NEMP2: variants seen among roughly 807,000 people sequenced by gnomAD.
The protein encoded by NEMP2 is nuclear envelope integral membrane protein 2.
In NEMP2, 53 loss-of-function variants were observed where a neutral mutation model predicts 54.2. That is an observed-to-expected ratio of 0.98 (90% CI 0.78 to 1.23). The LOEUF (loss-of-function observed/expected upper bound fraction) is 1.23. Among genes scored for constraint, NEMP2 ranks in the 50% most tolerant of loss-of-function variants. NEMP2 has a pLI of 0.00. For synonymous variants in NEMP2, 197 were observed against 190.3 expected, an observed-to-expected ratio of 1.04 and a Z score of -0.29; for missense variants, 455 against 511.3, an observed-to-expected ratio of 0.89 and a Z score of 1.06.
At chr2:190,572,834 TATATATATATATATATATATATATATA>T in the NEMP2 span, among the ~76,000 whole-genome samples, 1,215 of 37,782 alleles carry the variant, frequency 0.032, 72 homozygotes, top group African/African-American at 0.089. Context: ...TTTTCATGAG[TATATATATATATATATATATATATATA>T]TATATATATA....
the NEMP2 span, among the ~76,000 whole-genome samples, chr2:190,577,815 G>T: frequency 2.0e-5 from 3 of 152,232 alleles, no homozygotes; most frequent in African/African-American, 7.2e-5. This position sits in a 1 kb window ranked among gnomAD's most constrained non-coding sequence, Gnocchi z 4.8. Context: ...GGAGGTTGCA[G>T]TGACCCGAGA....
At chr2:190,633,956 T>C in the NEMP2 span, among the ~76,000 whole-genome samples, 2 of 152,000 alleles carry the variant, frequency 1.3e-5, no homozygotes, top group African/African-American at 4.8e-5. Flanking sequence ...CCTATAGTTG[T>C]AGCTATTCGG....
chr2:190,461,097 G>C, the NEMP2 span, among the ~76,000 whole-genome samples: 1 of 152,154 alleles, frequency 6.6e-6, no homozygotes, highest in African/African-American at 2.4e-5. This position sits in a 1 kb window ranked among gnomAD's most constrained non-coding sequence, Gnocchi z 5.5. Context: ...TCTCCCAAGA[G>C]TTTCAAAAGA....
rs892560335 is a variant in NEMP2, at chr2:190,530,998, T to C, written c.97+3561A>G. ...GGGCAATATGGTGAAACCCTGTCTTTACCAAAAATAAAAAATTGGCCAGGA... is the reference window on the plus strand; with the variant it reads ...GGGCAATATGGTGAAACCCTGTCTTCACCAAAAATAAAAAATTGGCCAGGA... On this transcript the variant is annotated intron_variant, in intron 1 of 8. Transcript: ENST00000409150. This position sits in a 1 kb window ranked among gnomAD's most constrained non-coding sequence, Gnocchi z 4.6. 1.3e-5 allele frequency among the ~76,000 whole-genome samples: 2 copies of C among 152,112 alleles called. No homozygotes were observed. The highest frequency in any genetic ancestry group is 4.8e-5 in the African/African-American group (2 of 41,392).
the NEMP2 span, among the ~76,000 whole-genome samples, chr2:190,498,808 A>G: frequency 2.0e-5 from 3 of 152,182 alleles, no homozygotes. The surrounding 1 kb of genome is among the most constrained non-coding windows in gnomAD (Gnocchi z 5.9). Context: ...CAGAAGCCAC[A>G]TAAAATTTTT....
the NEMP2 span, among the ~76,000 whole-genome samples, chr2:190,588,411 C>G: frequency 4.2e-4 from 64 of 152,292 alleles, no homozygotes; most frequent in Non-Finnish European, 8.2e-4. The surrounding 1 kb of genome is among the most constrained non-coding windows in gnomAD (Gnocchi z 5.0). Context: ...GAGATGGGGC[C>G]AAGGTCTTCC....
the NEMP2 span, among the ~76,000 whole-genome samples, chr2:190,622,731 G>C: frequency 6.6e-6 from 1 of 151,928 alleles, no homozygotes. Context: ...TAAGGAATTT[G>C]TATCAGAATA....
chr2:190,476,947 T>C, the NEMP2 span, among the ~76,000 whole-genome samples: 6 of 150,178 alleles, frequency 4.0e-5, no homozygotes, highest in Non-Finnish European at 4.4e-5. Context: ...AGCAAACTAT[T>C]GTAAGGACAA....
chr2:190,584,107 A>G, the NEMP2 span, among the ~76,000 whole-genome samples: 2 of 152,116 alleles, frequency 1.3e-5, no homozygotes, highest in Non-Finnish European at 2.9e-5. The surrounding 1 kb of genome is among the most constrained non-coding windows in gnomAD (Gnocchi z 4.2). Flanking sequence ...TAAAAGTGCA[A>G]CTTTGTCTCT....
the NEMP2 span, among the ~76,000 whole-genome samples, chr2:190,452,148 A>G: frequency 6.6e-6 from 1 of 152,142 alleles, no homozygotes; most frequent in Non-Finnish European, 1.5e-5. Flanking sequence ...AAAAACAAAA[A>G]TAAGTTTAAA....
At position 190,509,282 on chromosome 2, in the gene NEMP2, G is replaced by A. The variant is rs1559154064; in HGVS notation, c.1161C>T (p.His387=). ...KFADFVLGGS[H]LSPEEISLHE... ...GCAGACTGATTTCTTCAGGTGACAA[G>A]TGGCTTCCTCCAAGAACAAAGTCTG... Residue 387 remains histidine, a synonymous_variant, in exon 9 of 9, where the codon CAC becomes CAT. Transcript: ENST00000409150. This position sits in a 1 kb window ranked among gnomAD's most constrained non-coding sequence, Gnocchi z 6.1. The A allele has an allele frequency of 1.3e-6, 2 of 1,551,722 alleles. No homozygotes were observed. Among genetic ancestry groups the A allele is most frequent in the Admixed American group, 2.0e-5 (1 of 51,010 alleles).
At chr2:190,567,195 A>C in the NEMP2 span, among the ~76,000 whole-genome samples, 1 of 152,130 alleles carries the variant, frequency 6.6e-6, no homozygotes, top group Non-Finnish European at 1.5e-5. The surrounding 1 kb of genome is among the most constrained non-coding windows in gnomAD (Gnocchi z 4.0). Flanking sequence ...TATAATTTTA[A>C]AAACTTCAGT....
rs1050216565 is a variant in NEMP2 at position 190,513,083 on chromosome 2, T to C, written c.953+1370A>G. On this transcript the variant is annotated intron_variant, in intron 7 of 8. Coordinates refer to ENST00000409150, the MANE Select transcript of NEMP2 (RefSeq NM_001142645.2). This position sits in a 1 kb window ranked among gnomAD's most constrained non-coding sequence, Gnocchi z 5.3. ...GGACCACTGTGATGTCTGATAACTGTTCTCCTGCCACAGGGGCCTCCCCTT... is the reference window on the plus strand; with the variant it reads ...GGACCACTGTGATGTCTGATAACTGCTCTCCTGCCACAGGGGCCTCCCCTT... Among the ~76,000 whole-genome samples, 1 of 152,224 alleles carries C rather than the reference T, an allele frequency of 6.6e-6. No individual in the cohort carries two copies. Among genetic ancestry groups the C allele is most frequent in the Non-Finnish European group, 1.5e-5 (1 of 68,030 alleles).
At chr2:190,452,148 A>C in the NEMP2 span, among the ~76,000 whole-genome samples, 1 of 152,142 alleles carries the variant, frequency 6.6e-6, no homozygotes, top group Non-Finnish European at 1.5e-5. Context: ...AAAAACAAAA[A>C]TAAGTTTAAA....
At chr2:190,537,944 A>T (rs2125369821), upstream of NEMP2, among the ~76,000 whole-genome samples, 1 of 152,296 alleles carries the variant, frequency 6.6e-6, no homozygotes, top group Non-Finnish European at 1.5e-5. Context: ...TTGGCTCCTC[A>T]GCCAAGCACA....
At chr2:190,500,361 A>T, downstream of NEMP2, 3 of 812,766 alleles carry the variant, frequency 3.7e-6, no homozygotes, top group South Asian at 3.6e-5. This position sits in a 1 kb window ranked among gnomAD's most constrained non-coding sequence, Gnocchi z 5.3. Flanking sequence ...ATTAACATGG[A>T]AACACACACA....
chr2:190,540,786 G>T, the NEMP2 span, among the ~76,000 whole-genome samples: 1 of 152,162 alleles, frequency 6.6e-6, no homozygotes, highest in South Asian at 2.1e-4. Context: ...TTTTTAAAAA[G>T]AGTTTGAGTA....
chr2:190,442,913 A>C, the NEMP2 span: 1 of 152,188 alleles, frequency 6.6e-6, no homozygotes, highest in Non-Finnish European at 1.5e-5. Flanking sequence ...TAAGAAGAGA[A>C]ATGGGCTGAG....
At chr2:190,569,069 G>C in the NEMP2 span, among the ~76,000 whole-genome samples, 1 of 152,158 alleles carries the variant, frequency 6.6e-6, no homozygotes, top group Non-Finnish European at 1.5e-5. Context: ...AAAGACTTGA[G>C]CAAGTTTGCT....
Sources: allele counts gnomAD v4.1 joint callset (sites outside exome capture counted in the v4.1 genomes callset), GRCh38; gene constraint gnomAD v4.1.1; non-coding constraint Gnocchi (gnomAD v3.1); transcripts MANE v1.5; gene names NCBI Gene and HGNC (gene_info 2026-07-23, HGNC 2026-07-21).